Variants in HTT observed in about 807,000 individuals in gnomAD.
HTT encodes the protein huntingtin, also known as huntington disease protein.
In HTT, 104 loss-of-function variants were observed where a neutral mutation model predicts 362.3. The ratio of observed to expected loss-of-function variants is 0.29; its 90% confidence interval spans 0.24 to 0.34. The LOEUF is 0.34. Ranked by LOEUF, HTT falls within the 10% of genes least tolerant of loss-of-function variation. The pLI, the probability that HTT is intolerant of heterozygous loss-of-function variation, is 1.00. For synonymous variants in HTT, 1,577 were observed against 1,548.7 expected, an observed-to-expected ratio of 1.02 and a Z score of -0.43; for missense variants, 3,301 against 3,928.6, an observed-to-expected ratio of 0.84 and a Z score of 4.27.
At chr4:3,078,001 T>A (rs1712655411) in intron 1 of HTT, among the ~76,000 whole-genome samples, 2 of 152,212 alleles carry the variant, frequency 1.3e-5, no homozygotes, top group Admixed American at 1.3e-4. Context: ...GCTCTTGCTC[T>A]TTGGTGTGGA....
In HTT at chr4:3,127,134, A is replaced by G; in HGVS notation, c.1403-130A>G. ...AGGATGCACTGCTGTCCTGCATTTC[A>G]GCATCTTCAGGATGCTGTGCAGCTG... is the stretch of plus-strand genomic sequence containing the variant. On this transcript the variant is annotated intron_variant, in intron 11 of 66. Coordinates refer to ENST00000355072, the MANE Select transcript of HTT (RefSeq NM_001388492.1). The G allele has an allele frequency of 1.8e-5, 12 of 675,474 alleles. No homozygotes were observed. In the South Asian group the frequency reaches 2.2e-4, roughly 12 times the overall value. The allele number at this position is 675,474 out of a possible 1,614,324, so 41.8% of individuals were successfully genotyped here. A position where few individuals can be genotyped will look rare whatever the true frequency, so the allele number is the denominator to read the frequency against.
At chr4:3,188,037 C>T in intron 39 of HTT, 151 bp downstream of exon 39, 1 of 603,836 alleles carries the variant, frequency 1.7e-6, no homozygotes, top group South Asian at 2.0e-5. Context: ...CTAATCCGTC[C>T]TGCATTATCT....
At chr4:3,184,429 C>T (rs1718665207) in intron 37 of HTT, among the ~76,000 whole-genome samples, 1 of 151,880 alleles carries the variant, frequency 6.6e-6, no homozygotes, top group African/African-American at 2.4e-5. Flanking sequence ...ATTCTTATTC[C>T]TGAGTTGAGA....
At chr4:3,187,940 G>C (rs186751252) in intron 39 of HTT, 54 bp downstream of exon 39, 5 of 1,052,770 alleles carry the variant, frequency 4.7e-6, no homozygotes, top group Middle Eastern at 2.2e-4. Context: ...GAAGTCACGT[G>C]ATGTTTCACA....
intron 65 of HTT, 88 bp from the exon 66 acceptor site, chr4:3,238,730 G>GCGCC: frequency 9.1e-7 from 1 of 1,097,038 alleles, no homozygotes; most frequent in Non-Finnish European, 1.3e-6. Context: ...AATGCCTCTG[G>GCGCC]CCCCCACCCC....
intron 47 of HTT, among the ~76,000 whole-genome samples, chr4:3,210,904 C>CTTTTTTTTTTTTTTTT (rs780304223): frequency 3.3e-5 from 4 of 122,706 alleles, no homozygotes; most frequent in Non-Finnish European, 5.0e-5. Context: ...AATTGTTTAT[C>CTTTTTTTTTTTTTTTT]TTTTTTTTTT....
At chr4:3,153,008 T>C (rs140687804) in intron 26 of HTT, among the ~76,000 whole-genome samples, 1 of 152,218 alleles carries the variant, frequency 6.6e-6, no homozygotes, top group Non-Finnish European at 1.5e-5. Flanking sequence ...ATGCACCCGA[T>C]TGTAGCCATT....
At position 3,240,458 on chromosome 4, in the gene HTT, G is replaced by A. The variant is rs569033320; in HGVS notation, c.*399G>A. The A allele has an allele frequency of 1.9e-4, 51 of 265,000 alleles. No homozygotes were observed. Among genetic ancestry groups the A allele is most frequent in the African/African-American group, 1.0e-3 (46 of 44,880 alleles). 16.4% of individuals were successfully genotyped at this position (265,000 alleles called of 1,614,324 possible). On this transcript the variant is annotated 3_prime_UTR_variant, in exon 67 of 67. Transcript: ENST00000355072. Reference sequence around the variant, plus strand: ...CTGCTGTCCTGCAGTAGAAGGTGCCGTGAGCAGGCTTTGGGAACACTGGCC... The same window carrying A: ...CTGCTGTCCTGCAGTAGAAGGTGCCATGAGCAGGCTTTGGGAACACTGGCC...
intron 42 of HTT, among the ~76,000 whole-genome samples, chr4:3,204,677 T>TA: frequency 6.6e-6 from 1 of 151,896 alleles, no homozygotes; most frequent in African/African-American, 2.4e-5. Context: ...AAATAAAAAA[T>TA]AAAAAATTAT....
chr4:3,085,917 CT>C (rs1399533733), intron 1 of HTT, among the ~76,000 whole-genome samples: 1 of 152,126 alleles, frequency 6.6e-6, no homozygotes, highest in Non-Finnish European at 1.5e-5. Context: ...TGTTTATCTC[CT>C]TTTGCTTGGC....
intron 2 of HTT, among the ~76,000 whole-genome samples, chr4:3,089,219 C>T (rs1288412740): frequency 6.6e-6 from 1 of 152,030 alleles, no homozygotes; most frequent in Non-Finnish European, 1.5e-5. Context: ...AAGCGTATCC[C>T]ATTGCGATGC....
intron 37 of HTT, among the ~76,000 whole-genome samples, chr4:3,184,759 A>G (rs1026108412): frequency 6.6e-6 from 1 of 151,920 alleles, no homozygotes; most frequent in African/African-American, 2.4e-5. Flanking sequence ...AGTTGTCGAG[A>G]GACTGTGGGG....
At chr4:3,162,424 A>G (rs995732544) in intron 29 of HTT, among the ~76,000 whole-genome samples, 40 of 152,268 alleles carry the variant, frequency 2.6e-4, no homozygotes, top group African/African-American at 9.1e-4. Flanking sequence ...TTGGTTCCAT[A>G]TGAAGTTTAA....
intron 45 of HTT, 133 bp downstream of exon 45, chr4:3,207,490 T>TA: frequency 1.5e-6 from 1 of 681,104 alleles, no homozygotes; most frequent in South Asian, 1.7e-5. Flanking sequence ...AGAAGTGCCA[T>TA]AATAGAACCT....
chr4:3,176,950 T>C (rs1718271246), intron 33 of HTT, among the ~76,000 whole-genome samples: 1 of 152,184 alleles, frequency 6.6e-6, no homozygotes, highest in South Asian at 2.1e-4. Flanking sequence ...GCCTCTCAGA[T>C]GGTTGGGGGA....
chr4:3,085,093 T>C (rs1713138041), intron 1 of HTT, among the ~76,000 whole-genome samples: 1 of 151,802 alleles, frequency 6.6e-6, no homozygotes, highest in Non-Finnish European at 1.5e-5. Flanking sequence ...TGTGTGCCCG[T>C]GCAGATTGCT....
chr4:3,074,942 G>GCCA lies in HTT; in HGVS notation c.120_122dup (p.Pro49dup). ...AGCAGCAGCAGCAGCAGCAACAGCC[G>GCCA]CCACCGCCGCCGCCGCCGCCGCCGC... On this transcript the variant is annotated inframe_insertion, in exon 1 of 67. Coordinates refer to ENST00000355072, the MANE Select transcript of HTT (RefSeq NM_001388492.1). The GCCA allele has an allele frequency of 2.7e-6, 4 of 1,488,486 alleles. No homozygotes were observed. The African/African-American group carries it at 4.5e-5, about 17-fold the overall frequency. The allele number at this position is 1,488,486 out of a possible 1,614,324, so 92.2% of individuals were successfully genotyped here. A position where few individuals can be genotyped will look rare whatever the true frequency, so the allele number is the denominator to read the frequency against.
At chr4:3,231,390 C>T (rs951662535) in intron 60 of HTT, among the ~76,000 whole-genome samples, 2 of 152,106 alleles carry the variant, frequency 1.3e-5, no homozygotes, top group Non-Finnish European at 2.9e-5. Flanking sequence ...CTCTTCCTCC[C>T]GCACCCCCAC....
chr4:3,140,736 C>A, intron 22 of HTT, 80 bp downstream of exon 22: 2 of 1,365,988 alleles, frequency 1.5e-6, no homozygotes, highest in Non-Finnish European at 2.0e-6. Context: ...TAATTGAAAA[C>A]ATTTTATTTT....
Sources: allele counts gnomAD v4.1 joint callset (sites outside exome capture counted in the v4.1 genomes callset), GRCh38; gene constraint gnomAD v4.1.1; transcripts MANE v1.5; gene names NCBI Gene and HGNC (gene_info 2026-07-23, HGNC 2026-07-21).